The following KCNIP4 variants were observed in gnomAD, a reference collection of about 807,000 sequenced individuals.
KCNIP4 encodes the protein Kv channel-interacting protein 4.
In KCNIP4, 12 loss-of-function variants were observed where a neutral mutation model predicts 34.0. The ratio of observed to expected loss-of-function variants is 0.35; its 90% CI spans 0.23 to 0.57. The LOEUF (loss-of-function observed/expected upper bound fraction) is 0.57. Among genes scored for constraint, KCNIP4 ranks in the 20% least tolerant of loss-of-function variants. KCNIP4 has a pLI of 0.83. For synonymous variants in KCNIP4, 124 were observed against 102.2 expected (o/e 1.21, Z -1.29); for missense variants, 238 against 311.7 (o/e 0.76, Z 1.78).
intron 1 of KCNIP4, among the ~76,000 whole-genome samples, chr4:20,963,939 A>G (rs1734101196): frequency 6.6e-6 from 1 of 152,166 alleles, no homozygotes; most frequent in Non-Finnish European, 1.5e-5. Flanking sequence ...ACCTCTCCAC[A>G]TGGTGTTTGG....
chr4:21,884,761 C>T (rs1726662380), intron 1 of KCNIP4, among the ~76,000 whole-genome samples: 1 of 151,950 alleles, frequency 6.6e-6, no homozygotes, highest in African/African-American at 2.4e-5. Context: ...TGCTACTGTC[C>T]CCCTCTCTCA....
rs568478374 is a variant in KCNIP4, at chr4:21,831,474, A to G, written c.61+117097T>C. ...AGAAGTGACAGAGGAATCACACTTA[A>G]CAACTGATACCACAGAAATACAAAG... On this transcript the variant is annotated intron_variant, in intron 1 of 8. Coordinates refer to ENST00000382152, the MANE Select transcript of KCNIP4 (RefSeq NM_025221.6). Among the ~76,000 whole-genome samples the G allele has an allele frequency of 1.8e-4, 27 of 152,080 alleles. No homozygotes were observed. In the East Asian group the frequency reaches 5.0e-3, roughly 28 times the overall value.
chr4:21,652,950 A>C (rs920776028), intron 1 of KCNIP4, among the ~76,000 whole-genome samples: 3 of 152,226 alleles, frequency 2.0e-5, no homozygotes, highest in Non-Finnish European at 1.5e-5. Context: ...GTTTCCATTT[A>C]GTGTTTCATT....
At chr4:20,831,983 C>T (rs986835064) in intron 3 of KCNIP4, among the ~76,000 whole-genome samples, 1 of 152,182 alleles carries the variant, frequency 6.6e-6, no homozygotes, top group African/African-American at 2.4e-5. Flanking sequence ...TTACAGACCA[C>T]AAGCTGTAAC....
chr4:21,136,122 T>C (rs908338054), intron 1 of KCNIP4, among the ~76,000 whole-genome samples: 13 of 152,324 alleles, frequency 8.5e-5, no homozygotes, highest in Admixed American at 8.5e-4. Flanking sequence ...TAATTTAAAG[T>C]AATGTCTTAA....
At chr4:21,103,661 G>A (rs1043488609) in intron 1 of KCNIP4, among the ~76,000 whole-genome samples, 21 of 151,172 alleles carry the variant, frequency 1.4e-4, no homozygotes, top group African/African-American at 4.9e-4. Flanking sequence ...GTATACATGT[G>A]CCATGCTAGT....
At chr4:20,981,840 C>T (rs1736096574) in intron 1 of KCNIP4, among the ~76,000 whole-genome samples, 1 of 152,102 alleles carries the variant, frequency 6.6e-6, no homozygotes, top group Non-Finnish European at 1.5e-5. Context: ...TATTTATGTA[C>T]ATCTCTATGT....
intron 1 of KCNIP4, among the ~76,000 whole-genome samples, chr4:21,737,918 A>G (rs1020685040): frequency 1.3e-5 from 2 of 151,570 alleles, no homozygotes; most frequent in Admixed American, 6.6e-5. Context: ...CCCTGTCTCT[A>G]CTAAAAACAC....
At chr4:21,078,031 C>T (rs550103764) in intron 1 of KCNIP4, among the ~76,000 whole-genome samples, 1 of 151,922 alleles carries the variant, frequency 6.6e-6, no homozygotes, top group Non-Finnish European at 1.5e-5. Context: ...GTGGCTTGGG[C>T]ACATTTATAT....
At position 21,159,454 on chromosome 4, in the gene KCNIP4, G is replaced by T. The variant is rs528286010; in HGVS notation, c.62-276745C>A. Among the ~76,000 whole-genome samples, 24 of 20,468 alleles carry T rather than the reference G, an allele frequency of 1.2e-3. 6 individuals carry two copies. The highest frequency in any genetic ancestry group is 7.0e-3 in the Admixed American group (22 of 3,152). The allele number at this position is 20,468 out of a possible 152,430, so 13.4% of individuals were successfully genotyped here. A position where few individuals can be genotyped will look rare whatever the true frequency, so the allele number is the denominator to read the frequency against. On this transcript the variant is annotated intron_variant, in intron 1 of 8. Coordinates refer to ENST00000382152, the MANE Select transcript of KCNIP4 (RefSeq NM_025221.6). The stretch of plus-strand genomic sequence containing the variant: ...GTCTACAGCTCCCAGCGTGAGCGAC[G>T]CAGAAGACGGTGATTTCTGCATTTC...
At chr4:21,457,491 C>T (rs1300904381) in intron 1 of KCNIP4, among the ~76,000 whole-genome samples, 1 of 152,158 alleles carries the variant, frequency 6.6e-6, no homozygotes, top group South Asian at 2.1e-4. Flanking sequence ...ATCTTCTGAG[C>T]TTCTCCATCC....
At chr4:21,588,678 T>C (rs1291037425) in intron 1 of KCNIP4, among the ~76,000 whole-genome samples, 1 of 151,854 alleles carries the variant, frequency 6.6e-6, no homozygotes, top group East Asian at 1.9e-4. Flanking sequence ...AAAAATTAGC[T>C]GGTAATGGAA....
At chr4:20,886,210 A>C (rs948408089) in intron 1 of KCNIP4, among the ~76,000 whole-genome samples, 1 of 152,192 alleles carries the variant, frequency 6.6e-6, no homozygotes, top group Non-Finnish European at 1.5e-5. Flanking sequence ...TTGAACAATA[A>C]ACAACATAGA....
In KCNIP4 at chr4:20,733,115, G is replaced by A. The variant is rs138763268; in HGVS notation, c.538-330C>T. 2.3e-3 allele frequency among the ~76,000 whole-genome samples: 353 copies of A among 152,196 alleles called. 8 individuals carry two copies. The South Asian group carries it at 0.046, about 20-fold the overall frequency. On this transcript the variant is annotated intron_variant, in intron 6 of 8. Coordinates refer to ENST00000382152, the MANE Select transcript of KCNIP4 (RefSeq NM_025221.6). ...TTAAGTAGACTATGTTTATTTAATT[G>A]CATTATATATCTTATGTGTTGATCA...
intron 1 of KCNIP4, among the ~76,000 whole-genome samples, chr4:21,820,369 AT>A (rs1244324263): frequency 6.7e-6 from 1 of 149,950 alleles, no homozygotes; most frequent in Admixed American, 6.7e-5. Context: ...ATGAAGTACT[AT>A]AAACTTGATT....
intron 1 of KCNIP4, among the ~76,000 whole-genome samples, chr4:21,237,883 G>A (rs1306936114): frequency 6.6e-6 from 1 of 152,106 alleles, no homozygotes; most frequent in Non-Finnish European, 1.5e-5. Context: ...ATTTTATGAG[G>A]CCAGTATCAT....
intron 1 of KCNIP4, among the ~76,000 whole-genome samples, chr4:21,520,024 G>A (rs1039721967): frequency 4.6e-5 from 7 of 151,906 alleles, no homozygotes; most frequent in Non-Finnish European, 8.8e-5. Context: ...CGATGTTTGA[G>A]GGAAGGAAGC....
chr4:20,926,163 A>G (rs1045983330), intron 1 of KCNIP4, among the ~76,000 whole-genome samples: 2 of 152,242 alleles, frequency 1.3e-5, no homozygotes, highest in African/African-American at 2.4e-5. Flanking sequence ...AATGCCAGAC[A>G]ATGGTCAACC....
At chr4:20,876,061 A>T (rs1723987984) in intron 2 of KCNIP4, among the ~76,000 whole-genome samples, 1 of 152,190 alleles carries the variant, frequency 6.6e-6, no homozygotes, top group Admixed American at 6.6e-5. Context: ...TAAAAAACAA[A>T]AACCCCTGGA....
Sources: allele counts gnomAD v4.1 joint callset (sites outside exome capture counted in the v4.1 genomes callset), GRCh38; gene constraint gnomAD v4.1.1; transcripts MANE v1.5; gene names NCBI Gene and HGNC (gene_info 2026-07-23, HGNC 2026-07-21).